The following RABGEF1 variants were observed in gnomAD, a reference collection of about 807,000 sequenced individuals.
RABGEF1 encodes the protein rab5 GDP/GTP exchange factor.
Under a neutral mutation model 57.3 loss-of-function variants are expected in RABGEF1, and 26 were observed. The observed-to-expected ratio is 0.45, with a 90% CI of 0.33 to 0.63. RABGEF1 has a LOEUF of 0.63. Among genes scored for constraint, RABGEF1 ranks in the 20% least tolerant of loss-of-function variants. The pLI, the probability that RABGEF1 is intolerant of heterozygous loss-of-function variation, is 0.02. For synonymous variants in RABGEF1, 185 were observed against 210.7 expected (o/e 0.88, Z 1.06); for missense variants, 464 against 607.6 (o/e 0.76, Z 2.48).
At chr7:66,753,762 A>G (rs1802028425) in intron 1 of RABGEF1, among the ~76,000 whole-genome samples, 1 of 122,712 alleles carries the variant, frequency 8.1e-6, no homozygotes, top group East Asian at 2.8e-4. Flanking sequence ...GCTGGTGTGC[A>G]GTGGCACGAT....
chr7:66,727,564 A>G (rs1796730222), intron 2 of RABGEF1, among the ~76,000 whole-genome samples: 3 of 152,166 alleles, frequency 2.0e-5, no homozygotes, highest in Admixed American at 2.0e-4. Context: ...GGGTGGAGAG[A>G]TGAGATGTTT....
chr7:66,705,926 C>T lies in RABGEF1; in HGVS notation c.-872-6241C>T, dbSNP rs1481175794. Among the ~76,000 whole-genome samples the T allele has an allele frequency of 4.3e-5, 5 of 116,756 alleles. No homozygotes were observed. In the East Asian group the frequency reaches 1.1e-3, roughly 25 times the overall value. 76.6% of individuals were successfully genotyped at this position (116,756 alleles called of 152,430 possible). A position where few individuals can be genotyped will look rare whatever the true frequency, so the allele number is the denominator to read the frequency against. On this transcript the variant is annotated intron_variant and NMD_transcript_variant, in intron 1 of 9. Coordinates refer to the RABGEF1 transcript ENST00000607882. ...TTTTTTTTTTTTTGAGACGGAGTCT[C>T]GCTTTGTCGCCCAGGCCGGACTGCG...
chr7:66,720,204 T>C (rs1001852709), intron 2 of RABGEF1, among the ~76,000 whole-genome samples: 17 of 149,072 alleles, frequency 1.1e-4, no homozygotes, highest in African/African-American at 4.2e-4. Context: ...ATTTTTTTTT[T>C]TTTTTCTTTG....
upstream of RABGEF1, among the ~76,000 whole-genome samples, chr7:66,677,754 TC>T (rs1424992019): frequency 9.0e-6 from 1 of 110,670 alleles, no homozygotes; most frequent in Non-Finnish European, 1.8e-5. Flanking sequence ...AAAGCAAGAC[TC>T]CGTCTCAAAA....
chr7:66,660,119 C>T, the RABGEF1 span, among the ~76,000 whole-genome samples: 1,161 of 150,382 alleles, frequency 7.7e-3, 18 homozygotes, highest in African/African-American at 0.027. Flanking sequence ...AGGCCAAGGC[C>T]GGCGGATCAC....
At chr7:66,672,449 A>G in the RABGEF1 span, among the ~76,000 whole-genome samples, 7 of 152,272 alleles carry the variant, frequency 4.6e-5, no homozygotes, top group Middle Eastern at 3.4e-3. Flanking sequence ...CAAACAAAAA[A>G]ACAAAACAAA....
chr7:66,660,417 A>G, the RABGEF1 span, among the ~76,000 whole-genome samples: 1 of 152,170 alleles, frequency 6.6e-6, no homozygotes, highest in South Asian at 2.1e-4. Context: ...TAAAGTGATT[A>G]TAAGATAATA....
At position 66,741,635 on chromosome 7, in the gene RABGEF1, T is replaced by A. The variant is rs143517799; in HGVS notation, c.-18+843T>A. 3.5e-3 allele frequency among the ~76,000 whole-genome samples: 536 copies of A among 152,280 alleles called. 6 individuals are homozygous for A. The highest frequency in any genetic ancestry group is 3.1e-3 in the Admixed American group (48 of 15,292). ...CCAGGACGAGTTTACCGGAGCACCTTGGGAGTTGGTTTTTGGCCTGGAGAG... is the reference window on the plus strand; with the variant it reads ...CCAGGACGAGTTTACCGGAGCACCTAGGGAGTTGGTTTTTGGCCTGGAGAG... On this transcript the variant is annotated intron_variant, in intron 1 of 8. Transcript: ENST00000284957.
At chr7:66,801,087 G>A (rs1305515309) in intron 7 of RABGEF1, among the ~76,000 whole-genome samples, 1 of 152,140 alleles carries the variant, frequency 6.6e-6, no homozygotes, top group Non-Finnish European at 1.5e-5. Context: ...CCCTGAGGTC[G>A]AACACTCTTT....
At chr7:66,742,413 G>C (rs1799197108) in intron 1 of RABGEF1, among the ~76,000 whole-genome samples, 1 of 152,154 alleles carries the variant, frequency 6.6e-6, no homozygotes. Flanking sequence ...GTGTGGTAAG[G>C]AATGTGAGCT....
At chr7:66,655,880 G>A in the RABGEF1 span, among the ~76,000 whole-genome samples, 1 of 152,212 alleles carries the variant, frequency 6.6e-6, no homozygotes, top group Non-Finnish European at 1.5e-5. Context: ...CTAGAAGTTA[G>A]CCAGTTGAGG....
At chr7:66,705,759 G>C (rs1338858518) in intron 1 of RABGEF1, among the ~76,000 whole-genome samples, 3 of 150,466 alleles carry the variant, frequency 2.0e-5, no homozygotes, top group Admixed American at 1.3e-4. Flanking sequence ...GCCCATGCTG[G>C]AGTGCAATGG....
chr7:66,682,598 A>G (rs865914912), intron 1 of RABGEF1, among the ~76,000 whole-genome samples: 19 of 152,070 alleles, frequency 1.2e-4, no homozygotes, highest in African/African-American at 4.6e-4. Context: ...TTCCCCGTCC[A>G]GGATGCTGGC....
chr7:66,805,831 A>T (rs1229346814), intron 8 of RABGEF1, among the ~76,000 whole-genome samples: 3 of 151,792 alleles, frequency 2.0e-5, no homozygotes, highest in East Asian at 3.9e-4. Context: ...TGCAGCCTTG[A>T]CCTCCTGGGC....
chr7:66,699,373 T>G (rs868327349), intron 1 of RABGEF1, among the ~76,000 whole-genome samples: 4 of 152,178 alleles, frequency 2.6e-5, no homozygotes, highest in South Asian at 4.1e-4. Flanking sequence ...ATTGAATCTC[T>G]CCAAGCCTCA....
At chr7:66,794,321 C>T (rs1309735236) in intron 4 of RABGEF1, among the ~76,000 whole-genome samples, 2 of 134,290 alleles carry the variant, frequency 1.5e-5, no homozygotes, top group Non-Finnish European at 3.2e-5. Context: ...CTTTCCTCTT[C>T]TCTTTTCTTT....
intron 1 of RABGEF1, among the ~76,000 whole-genome samples, chr7:66,686,619 CAT>C (rs997651605): frequency 2.6e-5 from 4 of 152,118 alleles, no homozygotes; most frequent in South Asian, 2.1e-4. Flanking sequence ...AATACGTAAA[CAT>C]GTGAAACAAC....
intron 2 of RABGEF1, among the ~76,000 whole-genome samples, chr7:66,727,501 G>T (rs1796722493): frequency 6.6e-6 from 1 of 152,254 alleles, no homozygotes; most frequent in Non-Finnish European, 1.5e-5. Context: ...AGTTGGTCTG[G>T]ACCCCCAGGG....
Position 66,800,649 on chromosome 7 carries a change from G to A in RABGEF1, c.820+1235G>A, listed in dbSNP as rs12674314. On this transcript the variant is annotated intron_variant, in intron 7 of 8. Coordinates refer to ENST00000284957, the MANE Select transcript of RABGEF1 (RefSeq NM_014504.3). ...GGAGGCCTTCTAAAAGCCTGAATAT[G>A]GACCTGGGACTTGTGTTTTTCCTGA... 9.5e-4 allele frequency among the ~76,000 whole-genome samples: 145 copies of A among 152,340 alleles called. No homozygotes were observed. In the East Asian group the frequency reaches 0.021, roughly 22 times the overall value.
Sources: gnomAD v4.1 joint callset for allele counts (sites outside exome capture counted in the v4.1 genomes callset) on GRCh38, gnomAD v4.1.1 for gene constraint, MANE v1.5 for transcripts, NCBI Gene and HGNC (gene_info 2026-07-23, HGNC 2026-07-21) for gene names.